AGAP1: variants seen among roughly 807,000 people sequenced by gnomAD.
AGAP1 encodes ArfGAP with GTPase domain, ankyrin repeat and PH domain 1.
Under a neutral mutation model 105.3 loss-of-function variants are expected in AGAP1, and 29 were observed. The observed-to-expected ratio is 0.28, with a 90% CI of 0.21 to 0.38. The LOEUF (loss-of-function observed/expected upper bound fraction) is 0.38, where lower values mean the gene tolerates loss of function less well. Ranked by LOEUF, AGAP1 falls within the 10% of genes least tolerant of loss-of-function variation. AGAP1 has a pLI of 1.00. For missense variants in AGAP1, 998 were observed against 1,165.1 expected, an observed-to-expected ratio of 0.86 and a Z score of 2.09; for synonymous variants, 509 against 485.9, an observed-to-expected ratio of 1.05 and a Z score of -0.63.
At chr2:235,895,687 A>G (rs2050767628) in intron 10 of AGAP1, among the ~76,000 whole-genome samples, 1 of 150,898 alleles carries the variant, frequency 6.6e-6, no homozygotes, top group South Asian at 2.1e-4. Context: ...TAACATCTGG[A>G]ACACTGGCTT....
At position 235,787,213 on chromosome 2, in the gene AGAP1, T is replaced by A. The variant is rs1017943565; in HGVS notation, c.674-10546T>A. Among the ~76,000 whole-genome samples, 1 of 152,240 alleles carries A rather than the reference T, an allele frequency of 6.6e-6. No homozygotes were observed. The highest frequency in any genetic ancestry group is 1.5e-5 in the Non-Finnish European group (1 of 68,036). ...AGGGGCCGCCTCTACCCTTGGCTGC[T>A]GCTTCCAAACCATGTGGGTTTCCTA... On this transcript the variant is annotated intron_variant, in intron 6 of 17. Coordinates refer to ENST00000304032, the MANE Select transcript of AGAP1 (RefSeq NM_001037131.3). The surrounding 1 kb of genome is among the most constrained non-coding windows in gnomAD (Gnocchi z 4.4).
At chr2:235,815,754 G>T (rs139327462) in intron 9 of AGAP1, among the ~76,000 whole-genome samples, 1 of 152,156 alleles carries the variant, frequency 6.6e-6, no homozygotes, top group Non-Finnish European at 1.5e-5. Context: ...CCGACTTGGG[G>T]GTTTCCATTG....
intron 15 of AGAP1, among the ~76,000 whole-genome samples, chr2:236,047,130 G>A (rs2057744586): frequency 6.6e-6 from 1 of 152,210 alleles, no homozygotes; most frequent in Admixed American, 6.5e-5. Flanking sequence ...AGTACTCAGT[G>A]TTGTGAGGAG....
In AGAP1 at chr2:236,113,651, A is replaced by T. The variant is rs2059704604; in HGVS notation, c.2115-6541A>T. Among the ~76,000 whole-genome samples, 3 of 152,102 alleles carry T rather than the reference A, an allele frequency of 2.0e-5. No individual in the cohort carries two copies. The South Asian group carries it at 6.2e-4, about 31-fold the overall frequency. On this transcript the variant is annotated intron_variant, in intron 16 of 17. Transcript: ENST00000304032. This position sits in a 1 kb window ranked among gnomAD's most constrained non-coding sequence, Gnocchi z 4.3. ...TCCAAGAGAATTGTCTTTGGGATGG[A>T]CACAGGGAAGCCACCTTGGCCAAGT...
chr2:236,058,346 CAGAGAGCATCTACA>C lies in AGAP1; in HGVS notation c.2114+9070_2114+9083del, dbSNP rs574036285. Among the ~76,000 whole-genome samples the C allele has an allele frequency of 1.3e-5, 2 of 152,210 alleles. No homozygotes were observed. The highest frequency in any genetic ancestry group is 3.9e-4 in the East Asian group (2 of 5,180). On this transcript the variant is annotated intron_variant, in intron 16 of 17. Coordinates refer to ENST00000304032, the MANE Select transcript of AGAP1 (RefSeq NM_001037131.3). This position sits in a 1 kb window ranked among gnomAD's most constrained non-coding sequence, Gnocchi z 4.6. ...AGTATATCCCAGCAGATGTTACAGC[CAGAGAGCATCTACA>C]AGAGGATTAGACTCTGTGATCAGGT... is the stretch of plus-strand genomic sequence containing the variant.
intron 1 of AGAP1, among the ~76,000 whole-genome samples, chr2:235,704,026 C>A (rs1950397601): frequency 6.6e-6 from 1 of 152,162 alleles, no homozygotes; most frequent in South Asian, 2.1e-4. Context: ...AGAAAGTTAA[C>A]CGAGGTCACT....
chr2:236,024,031 T>TG (rs1353709541), intron 13 of AGAP1, among the ~76,000 whole-genome samples: 1 of 115,286 alleles, frequency 8.7e-6, no homozygotes. Context: ...GTTTTTTTTT[T>TG]TTGTTTTTTT....
At position 236,000,849 on chromosome 2, in the gene AGAP1, C is replaced by T. The variant is rs534630202; in HGVS notation, c.1645+32226C>T. 1.3e-5 allele frequency among the ~76,000 whole-genome samples: 2 copies of T among 152,270 alleles called. No individual in the cohort carries two copies. The highest frequency in any genetic ancestry group is 4.1e-4 in the South Asian group (2 of 4,824). The stretch of plus-strand genomic sequence containing the variant: ...TGTTCTGTAAGGAGGGTCTTCCAGG[C>T]ACAGAGAGTGGCTGATGAGAAAGGG... On this transcript the variant is annotated intron_variant, in intron 13 of 17. Coordinates refer to ENST00000304032, the MANE Select transcript of AGAP1 (RefSeq NM_001037131.3). The surrounding 1 kb of genome is among the most constrained non-coding windows in gnomAD (Gnocchi z 4.3).
At chr2:235,833,855 G>GTTGTT (rs367814851) in intron 9 of AGAP1, among the ~76,000 whole-genome samples, 1 of 124,924 alleles carries the variant, frequency 8.0e-6, no homozygotes, top group African/African-American at 3.4e-5. Context: ...CTCCAATCTG[G>GTTGTT]TTTTTTTTTT....
Position 235,660,368 on chromosome 2 carries a change from C to T in AGAP1, c.164-48811C>T, listed in dbSNP as rs1160500298. Among the ~76,000 whole-genome samples the T allele has an allele frequency of 1.3e-5, 2 of 152,122 alleles. No homozygotes were observed. Among genetic ancestry groups the T allele is most frequent in the Non-Finnish European group, 2.9e-5 (2 of 68,024 alleles). On this transcript the variant is annotated intron_variant, in intron 1 of 17. Transcript: ENST00000304032. The surrounding 1 kb of genome is among the most constrained non-coding windows in gnomAD (Gnocchi z 5.3). ...CTTCTTGTTGGTAACATGACTGAGG[C>T]ATTACCTGCACTGATTAAGTCAACC...
At chr2:236,022,957 AT>A (rs1480331592) in intron 13 of AGAP1, among the ~76,000 whole-genome samples, 1 of 152,076 alleles carries the variant, frequency 6.6e-6, no homozygotes, top group Non-Finnish European at 1.5e-5. Flanking sequence ...TTTTGTCATA[AT>A]TGGGTAAAAT....
intron 1 of AGAP1, among the ~76,000 whole-genome samples, chr2:235,617,248 G>T (rs1450035211): frequency 1.3e-5 from 2 of 152,138 alleles, no homozygotes; most frequent in South Asian, 4.1e-4. Flanking sequence ...AATGTCCAGA[G>T]AATTAGATTT....
rs1236136966 is a variant in AGAP1 at position 235,752,585 on chromosome 2, G to C, written c.673+2097G>C. On this transcript the variant is annotated intron_variant, in intron 6 of 17. Coordinates refer to ENST00000304032, the MANE Select transcript of AGAP1 (RefSeq NM_001037131.3). The surrounding 1 kb of genome is among the most constrained non-coding windows in gnomAD (Gnocchi z 4.3). ...GCAGAGATGAGGGTCTTTGCGGCCT[G>C]AGAAGCCCAGAATATTCACTCTCTG... Among the ~76,000 whole-genome samples, 2 of 152,160 alleles carry C rather than the reference G, an allele frequency of 1.3e-5. No individual in the cohort carries two copies. The highest frequency in any genetic ancestry group is 2.9e-5 in the Non-Finnish European group (2 of 68,024).
At chr2:235,652,133 G>A (rs1372464523) in intron 1 of AGAP1, among the ~76,000 whole-genome samples, 2 of 152,196 alleles carry the variant, frequency 1.3e-5, no homozygotes, top group Non-Finnish European at 2.9e-5. Flanking sequence ...GAGACATGCT[G>A]ATCAGCTTTC....
At position 235,883,283 on chromosome 2, in the gene AGAP1, T is replaced by C; in HGVS notation, c.1051-62T>C. 6.9e-7 allele frequency: 1 copy of C among 1,452,540 alleles called. No individual in the cohort carries two copies. Among genetic ancestry groups the C allele is most frequent in the Non-Finnish European group, 9.6e-7 (1 of 1,037,812 alleles). 90.0% of individuals were successfully genotyped at this position (1,452,540 alleles called of 1,614,324 possible). On this transcript the variant is annotated intron_variant, in intron 9 of 17. Transcript: ENST00000304032. The surrounding 1 kb of genome is among the most constrained non-coding windows in gnomAD (Gnocchi z 4.5). ...AACTTGAATGTATATGTTGCCTGTG[T>C]ACCTGCCTTTTCTTTTTTTTATTTA...
At position 235,701,942 on chromosome 2, in the gene AGAP1, C is replaced by T. The variant is rs1356484227; in HGVS notation, c.164-7237C>T. On this transcript the variant is annotated intron_variant, in intron 1 of 17. Transcript: ENST00000304032. The surrounding 1 kb of genome is among the most constrained non-coding windows in gnomAD (Gnocchi z 4.1). The stretch of plus-strand genomic sequence containing the variant: ...CTGCTTTAAACTAAAAATAAATGCT[C>T]CTCCCCTTTTCTGTGCTAAAAATAA... 2.0e-5 allele frequency among the ~76,000 whole-genome samples: 3 copies of T among 152,096 alleles called. No homozygotes were observed. Among genetic ancestry groups the T allele is most frequent in the African/African-American group, 7.2e-5 (3 of 41,404 alleles).
intron 10 of AGAP1, among the ~76,000 whole-genome samples, chr2:235,896,073 A>G (rs1294716720): frequency 6.6e-6 from 1 of 152,190 alleles, no homozygotes; most frequent in African/African-American, 2.4e-5. Context: ...TTCATCTTAC[A>G]AAACAAACTC....
Position 235,723,750 on chromosome 2 carries a change from A to C in AGAP1, c.310+6106A>C, listed in dbSNP as rs1951504377. 6.7e-6 allele frequency among the ~76,000 whole-genome samples: 1 copy of C among 148,498 alleles called. No homozygotes were observed. The highest frequency in any genetic ancestry group is 2.5e-5 in the African/African-American group (1 of 40,422). ...ATGAAACTAAACTGTATATGGATTG[A>C]GTGGGAGCTTTTATCGTTGGTTGGT... On this transcript the variant is annotated intron_variant, in intron 3 of 17. Transcript: ENST00000304032. The surrounding 1 kb of genome is among the most constrained non-coding windows in gnomAD (Gnocchi z 6.2).
rs1053248820 is a variant in AGAP1, at chr2:235,586,192, C to T, written c.163+91343C>T. On this transcript the variant is annotated intron_variant, in intron 1 of 17. Transcript: ENST00000304032. The surrounding 1 kb of genome is among the most constrained non-coding windows in gnomAD (Gnocchi z 4.2). ...AAGTCAACACTACCTTGTGTGTGTG[C>T]GCATACACACAAAGAGGGTGAGCCC... is the stretch of plus-strand genomic sequence containing the variant. Among the ~76,000 whole-genome samples, 4 of 152,134 alleles carry T rather than the reference C, an allele frequency of 2.6e-5. No individual in the cohort carries two copies. Among genetic ancestry groups the T allele is most frequent in the Non-Finnish European group, 5.9e-5 (4 of 68,028 alleles).
Sources: gnomAD v4.1 joint callset for allele counts (sites outside exome capture counted in the v4.1 genomes callset) on GRCh38, gnomAD v4.1.1 for gene constraint, Gnocchi (gnomAD v3.1) non-coding constraint, MANE v1.5 for transcripts, NCBI Gene and HGNC (gene_info 2026-07-23, HGNC 2026-07-21) for gene names.